Variants in GAB2 observed in about 807,000 individuals in gnomAD.
GAB2 encodes GRB2-associated-binding protein 2.
In GAB2, 26 loss-of-function variants were observed where a neutral mutation model predicts 65.5. The observed-to-expected ratio is 0.40, with a 90% CI of 0.29 to 0.55. The LOEUF is 0.55. Among genes scored for constraint, GAB2 ranks in the 20% least tolerant of loss-of-function variants. The probability of loss-of-function intolerance (pLI) is 0.53; values close to 1 mark genes in which losing one functional copy is unlikely to be tolerated. For synonymous variants in GAB2, 321 were observed against 329.6 expected, an observed-to-expected ratio of 0.97 and a Z score of 0.28; for missense variants, 884 against 875.8, an observed-to-expected ratio of 1.01 and a Z score of -0.12.
intron 1 of GAB2, among the ~76,000 whole-genome samples, chr11:78,285,276 A>G (rs1866448145): frequency 6.6e-6 from 1 of 152,100 alleles, no homozygotes; most frequent in Non-Finnish European, 1.5e-5. Flanking sequence ...AAACACAGAC[A>G]CCCTCATGAA....
intron 1 of GAB2, among the ~76,000 whole-genome samples, chr11:78,285,698 C>T (rs1294839989): frequency 6.6e-6 from 1 of 152,186 alleles, no homozygotes. Flanking sequence ...AACTCCTAAC[C>T]TTAATTGATC....
At chr11:78,377,800 T>G (rs1290165463) in intron 1 of GAB2, among the ~76,000 whole-genome samples, 1 of 152,142 alleles carries the variant, frequency 6.6e-6, no homozygotes, top group Non-Finnish European at 1.5e-5. Flanking sequence ...AAATTTACAC[T>G]TCACTCTCTC....
At position 78,223,677 on chromosome 11, in the gene GAB2, C is replaced by G; in HGVS notation, c.1303-1G>C. Reference sequence around the variant, plus strand: ...ATCGGCCCACAATCATTTTCCCTGGCTAGGGAGAGGAACAGTGAAAGAAAT... The same window carrying G: ...ATCGGCCCACAATCATTTTCCCTGGGTAGGGAGAGGAACAGTGAAAGAAAT... On this transcript the variant is annotated splice_acceptor_variant, in intron 5 of 9. Transcript: ENST00000361507. LOFTEE classifies it high-confidence loss of function. The G allele has an allele frequency of 6.3e-7, 1 of 1,590,670 alleles. No individual in the cohort carries two copies. The highest frequency in any genetic ancestry group is 8.6e-7 in the Non-Finnish European group (1 of 1,167,228).
chr11:78,254,840 T>G (rs1865554230), intron 2 of GAB2, among the ~76,000 whole-genome samples: 2 of 151,554 alleles, frequency 1.3e-5, no homozygotes. Context: ...AGTATGTAGC[T>G]CCAGAAAAAT....
intron 1 of GAB2, among the ~76,000 whole-genome samples, chr11:78,299,386 A>G (rs1866930618): frequency 6.6e-6 from 1 of 152,228 alleles, no homozygotes; most frequent in Non-Finnish European, 1.5e-5. Context: ...CAGAGGATTG[A>G]AAATGTCAGG....
intron 1 of GAB2, among the ~76,000 whole-genome samples, chr11:78,296,827 T>G (rs4627115): frequency 0.16 from 23,858 of 152,192 alleles, 2,429 homozygotes; most frequent in East Asian, 0.4. Flanking sequence ...CAGTCCACAG[T>G]GCTGGAGGCT....
At chr11:78,402,054 A>C (rs1856980103) in intron 1 of GAB2, among the ~76,000 whole-genome samples, 4 of 152,064 alleles carry the variant, frequency 2.6e-5, no homozygotes, top group Admixed American at 2.0e-4. Flanking sequence ...GTTTTTGAAG[A>C]TCTTCCCCTC....
intron 3 of GAB2, among the ~76,000 whole-genome samples, chr11:78,246,845 G>A (rs1316209389): frequency 6.6e-6 from 1 of 152,144 alleles, no homozygotes; most frequent in Non-Finnish European, 1.5e-5. Context: ...GGCTCAGACT[G>A]CAAGTTCTGT....
intron 2 of GAB2, among the ~76,000 whole-genome samples, chr11:78,259,909 G>C (rs1226669704): frequency 6.6e-6 from 1 of 152,186 alleles, no homozygotes; most frequent in African/African-American, 2.4e-5. Flanking sequence ...TGTACTCTCT[G>C]TAATGTGGGC....
At chr11:78,235,097 C>G (rs1301087909) in intron 3 of GAB2, among the ~76,000 whole-genome samples, 1 of 152,116 alleles carries the variant, frequency 6.6e-6, no homozygotes, top group East Asian at 1.9e-4. Flanking sequence ...TAACATTAGG[C>G]TCCTTGCTAC....
At chr11:78,287,649 A>AT (rs368184721) in intron 1 of GAB2, among the ~76,000 whole-genome samples, 26,180 of 136,694 alleles carry the variant, frequency 0.19, 2,581 homozygotes, top group East Asian at 0.33. Context: ...TGCTCTTATC[A>AT]TTTTTTTTTT....
chr11:78,292,173 T>G (rs1866700801), intron 1 of GAB2, among the ~76,000 whole-genome samples: 1 of 152,242 alleles, frequency 6.6e-6, no homozygotes, highest in Non-Finnish European at 1.5e-5. Flanking sequence ...TCAGTTAGAT[T>G]CAGATTAACC....
At chr11:78,388,415 T>C (rs910808809) in intron 1 of GAB2, among the ~76,000 whole-genome samples, 1 of 151,848 alleles carries the variant, frequency 6.6e-6, no homozygotes, top group African/African-American at 2.4e-5. Flanking sequence ...CAGCCTCAAC[T>C]TCCTGGGCTT....
chr11:78,293,130 T>C (rs887313679), intron 1 of GAB2, among the ~76,000 whole-genome samples: 5 of 152,152 alleles, frequency 3.3e-5, no homozygotes, highest in African/African-American at 9.7e-5. Context: ...CAGCTCCTAG[T>C]CCAAAGTTAT....
rs1864212428 is a variant in GAB2, at chr11:78,217,581, T to G, written c.*1691A>C. 6.6e-6 allele frequency: 1 copy of G among 152,208 alleles called. No homozygotes were observed. Among genetic ancestry groups the G allele is most frequent in the Admixed American group, 6.5e-5 (1 of 15,282 alleles). 9.4% of individuals were successfully genotyped at this position (152,208 alleles called of 1,614,324 possible). ...AAGTTCTGTTCGCCCCAGGGTAGAA[T>G]GAAACGTCTGGTCTGTCCTGTTGCT... On this transcript the variant is annotated 3_prime_UTR_variant, in exon 10 of 10. Transcript: ENST00000361507.
intron 1 of GAB2, among the ~76,000 whole-genome samples, chr11:78,383,385 T>C (rs952402900): frequency 6.6e-6 from 1 of 151,908 alleles, no homozygotes; most frequent in Non-Finnish European, 1.5e-5. Flanking sequence ...AAAAAATTCA[T>C]TAATTCAAAC....
intron 3 of GAB2, among the ~76,000 whole-genome samples, chr11:78,234,852 A>T (rs1420768971): frequency 4.6e-5 from 7 of 152,016 alleles, no homozygotes; most frequent in African/African-American, 1.7e-4. Flanking sequence ...TCTACTAAAA[A>T]TACAAAAATT....
chr11:78,227,081 G>A, intron 3 of GAB2, 30 bp from the exon 4 acceptor site: 1 of 1,448,894 alleles, frequency 6.9e-7, no homozygotes, highest in African/African-American at 1.4e-5. Context: ...AAGGGCAGGA[G>A]GGTGAGACAA....
chr11:78,242,763 G>T (rs940996799), intron 3 of GAB2, among the ~76,000 whole-genome samples: 3 of 152,074 alleles, frequency 2.0e-5, no homozygotes, highest in African/African-American at 7.2e-5. Context: ...ATAAAATTGA[G>T]ACAAAATAAA....
Sources: allele counts gnomAD v4.1 joint callset (sites outside exome capture counted in the v4.1 genomes callset), GRCh38; gene constraint gnomAD v4.1.1; transcripts MANE v1.5; gene names NCBI Gene and HGNC (gene_info 2026-07-23, HGNC 2026-07-21).